FLT1: variants seen among roughly 807,000 people sequenced by gnomAD.
FLT1 encodes vascular endothelial growth factor receptor 1.
Under a neutral mutation model 156.3 loss-of-function variants are expected in FLT1, and 49 were observed. The ratio of observed to expected loss-of-function variants is 0.31; its 90% CI spans 0.25 to 0.40. The LOEUF is 0.40. FLT1 is among the 10% of genes least tolerant of loss of function. The pLI is 1.00. For missense variants in FLT1, 1,322 were observed against 1,637.2 expected (o/e 0.81, Z 3.32); for synonymous variants, 594 against 583.8 (o/e 1.02, Z -0.25).
chr13:28,386,665 C>T (rs1874383557), intron 13 of FLT1: 1 of 1,057,000 alleles, frequency 9.5e-7, no homozygotes, highest in Admixed American at 5.4e-5. Flanking sequence ...AAAATGCAGT[C>T]CTGTTTAAAA....
chr13:28,326,674 G>C (rs1276047513), intron 20 of FLT1, among the ~76,000 whole-genome samples: 1 of 151,712 alleles, frequency 6.6e-6, no homozygotes, highest in Admixed American at 6.6e-5. Flanking sequence ...TACAGGCGCG[G>C]GCCACCACGC....
intron 12 of FLT1, among the ~76,000 whole-genome samples, chr13:28,392,939 T>C (rs1433099548): frequency 6.6e-6 from 1 of 152,204 alleles, no homozygotes; most frequent in African/African-American, 2.4e-5. Context: ...TATTCTCTTT[T>C]GATCCATGGA....
At chr13:28,388,846 A>G (rs938367461) in intron 13 of FLT1, 2 of 1,062,506 alleles carry the variant, frequency 1.9e-6, no homozygotes, top group African/African-American at 1.6e-5. Flanking sequence ...GTTCCTTAAA[A>G]TAATAACCAG....
intron 23 of FLT1, 52 bp downstream of exon 23, chr13:28,321,411 G>A: frequency 6.2e-7 from 1 of 1,600,792 alleles, no homozygotes; most frequent in Non-Finnish European, 8.5e-7. Flanking sequence ...CAAGTCTGTG[G>A]TTTAAAAGTG....
intron 29 of FLT1, 95 bp from the exon 30 acceptor site, chr13:28,303,463 C>A: frequency 7.0e-6 from 7 of 1,004,092 alleles, no homozygotes; most frequent in East Asian, 2.9e-5. Context: ...GTCATTTGTT[C>A]ATACCTGTCT....
chr13:28,389,307 T>C (rs541717762), intron 13 of FLT1: 1 of 1,204,668 alleles, frequency 8.3e-7, no homozygotes, highest in Non-Finnish European at 1.0e-6. Flanking sequence ...AAAATTAACT[T>C]ATTCGTGTCC....
At chr13:28,486,199 C>T (rs1881150837) in intron 1 of FLT1, among the ~76,000 whole-genome samples, 1 of 152,182 alleles carries the variant, frequency 6.6e-6, no homozygotes, top group South Asian at 2.1e-4. Flanking sequence ...CTGGATGCCC[C>T]CAGGAAGGGG....
chr13:28,302,574 C>G lies in FLT1; in HGVS notation c.*593G>C, dbSNP rs1870557636. ...ATGTAGAAGGGTCAGAGCTGGGAAG[C>G]CACTGAAATGGCATTGCTGAGCCCC... is the stretch of plus-strand genomic sequence containing the variant. On this transcript the variant is annotated 3_prime_UTR_variant, in exon 30 of 30. Transcript: ENST00000282397. 4.3e-6 allele frequency: 1 copy of G among 233,604 alleles called. No individual in the cohort carries two copies. Among genetic ancestry groups the G allele is most frequent in the South Asian group, 1.8e-4 (1 of 5,552 alleles). The allele number at this position is 233,604 out of a possible 1,614,324, so 14.5% of individuals were successfully genotyped here.
In FLT1 at chr13:28,322,116, T is replaced by C; in HGVS notation, c.3051+146A>G. The C allele has an allele frequency of 1.5e-6, 1 of 666,688 alleles. No individual in the cohort carries two copies. The highest frequency in any genetic ancestry group is 2.7e-6 in the Non-Finnish European group (1 of 369,642). The allele number at this position is 666,688 out of a possible 1,614,324, so 41.3% of individuals were successfully genotyped here. ...GACTCCTCATTCTCAAAACTCCTCA[T>C]ATCAAGGCAAATTAAGGCACTTGCA... On this transcript the variant is annotated intron_variant, in intron 22 of 29. Coordinates refer to ENST00000282397, the MANE Select transcript of FLT1 (RefSeq NM_002019.4). The surrounding 1 kb of genome is among the most constrained non-coding windows in gnomAD (Gnocchi z 4.3).
At chr13:28,464,339 A>G (rs1412701048) in intron 3 of FLT1, among the ~76,000 whole-genome samples, 2 of 152,246 alleles carry the variant, frequency 1.3e-5, no homozygotes, top group Non-Finnish European at 2.9e-5. Context: ...GTTGTGGACT[A>G]TTACAGGAAG....
chr13:28,325,218 T>TA (rs1871627728), intron 20 of FLT1, among the ~76,000 whole-genome samples: 1 of 152,182 alleles, frequency 6.6e-6, no homozygotes, highest in African/African-American at 2.4e-5. Flanking sequence ...CCCAGGTCCC[T>TA]AGGGTATTCT....
At chr13:28,428,245 G>T (rs900240668) in intron 8 of FLT1, among the ~76,000 whole-genome samples, 1 of 152,106 alleles carries the variant, frequency 6.6e-6, no homozygotes, top group African/African-American at 2.4e-5. Flanking sequence ...TTCCATCCGA[G>T]ATGTTTTTCA....
At chr13:28,372,072 A>ATTTTTT (rs1565990471) in intron 14 of FLT1, among the ~76,000 whole-genome samples, 4 of 15,510 alleles carry the variant, frequency 2.6e-4, no homozygotes, top group African/African-American at 4.9e-4. Context: ...ATATATATAT[A>ATTTTTT]TATATTTTTT....
At chr13:28,358,154 A>C (rs1290171765) in intron 14 of FLT1, among the ~76,000 whole-genome samples, 1 of 152,128 alleles carries the variant, frequency 6.6e-6, no homozygotes, top group Non-Finnish European at 1.5e-5. Flanking sequence ...TCCTTTTACA[A>C]ATGAGGAAAC....
At chr13:28,357,327 G>C (rs1318926793) in intron 15 of FLT1, among the ~76,000 whole-genome samples, 4 of 152,140 alleles carry the variant, frequency 2.6e-5, no homozygotes, top group Admixed American at 2.6e-4. Context: ...CGCAGACACT[G>C]TGTTCGGATT....
rs532454412 is a variant in FLT1 at position 28,348,985 on chromosome 13, C to T, written c.2249-3434G>A. Among the ~76,000 whole-genome samples the T allele has an allele frequency of 1.6e-4, 24 of 152,052 alleles. No homozygotes were observed. In the South Asian group the frequency reaches 1.9e-3, roughly 12 times the overall value. On this transcript the variant is annotated intron_variant, in intron 15 of 29. Coordinates refer to ENST00000282397, the MANE Select transcript of FLT1 (RefSeq NM_002019.4). ...GTATTACTTCATAAAACATATAGAC[C>T]ACCACCTCTGTTGCAGATATGTTCT...
At chr13:28,384,781 C>T (rs1486881434) in intron 14 of FLT1, 104 bp downstream of exon 14, 13 of 1,100,388 alleles carry the variant, frequency 1.2e-5, no homozygotes, top group Non-Finnish European at 2.8e-6. Flanking sequence ...GCTCTATCAG[C>T]AAGTAGGTCT....
intron 20 of FLT1, among the ~76,000 whole-genome samples, chr13:28,325,816 CAA>C (rs377427677): frequency 2.1e-3 from 152 of 71,172 alleles, no homozygotes; most frequent in African/African-American, 8.1e-3. Flanking sequence ...AACTCTGTCT[CAA>C]AAAAAAAAAA....
intron 23 of FLT1, among the ~76,000 whole-genome samples, chr13:28,319,893 C>A (rs749643598): frequency 6.6e-6 from 1 of 152,250 alleles, no homozygotes; most frequent in African/African-American, 2.4e-5. Context: ...TTGAAGATAT[C>A]CTGAAAACTG....
Sources: allele counts gnomAD v4.1 joint callset (sites outside exome capture counted in the v4.1 genomes callset), GRCh38; gene constraint gnomAD v4.1.1; non-coding constraint Gnocchi (gnomAD v3.1); transcripts MANE v1.5; gene names NCBI Gene and HGNC (gene_info 2026-07-23, HGNC 2026-07-21).